Variants in UPK1B observed in about 807,000 individuals in gnomAD.
UPK1B encodes the protein uroplakin-1b.
UPK1B carries 28 observed loss-of-function variants against 34.2 expected under a neutral mutation model. The ratio of observed to expected loss-of-function variants is 0.82; its 90% confidence interval spans 0.61 to 1.12. The LOEUF is 1.12. Ranked by LOEUF, UPK1B falls within the 50% of genes most tolerant of loss-of-function variation. The pLI, the probability that UPK1B is intolerant of heterozygous loss-of-function variation, is 0.00. For synonymous variants in UPK1B, 81 were observed against 110.4 expected, an observed-to-expected ratio of 0.73 and a Z score of 1.67; for missense variants, 325 against 320.9, an observed-to-expected ratio of 1.01 and a Z score of -0.10.
At chr3:119,175,007 ATTTTCTT>A (rs2077948060) in intron 1 of UPK1B, among the ~76,000 whole-genome samples, 7 of 39,716 alleles carry the variant, frequency 1.8e-4, no homozygotes, top group Admixed American at 5.9e-4. Context: ...TTTTTCTTTT[ATTTTCTT>A]TTTTTTTTTT....
chr3:119,181,740 G>T (rs990816893), intron 1 of UPK1B, among the ~76,000 whole-genome samples: 1 of 152,126 alleles, frequency 6.6e-6, no homozygotes, highest in Admixed American at 6.5e-5. Context: ...AATTGAGTGC[G>T]CCTACTACAT....
At chr3:119,183,061 T>A (rs1293763861) in intron 1 of UPK1B, among the ~76,000 whole-genome samples, 1 of 151,928 alleles carries the variant, frequency 6.6e-6, no homozygotes, top group Non-Finnish European at 1.5e-5. Context: ...AAAGGTAGAG[T>A]CTCCTGAGCA....
At position 119,190,967 on chromosome 3, in the gene UPK1B, C is replaced by T. The variant is rs772842790; in HGVS notation, c.346-15C>T. On this transcript the variant is annotated splice_polypyrimidine_tract_variant and intron_variant, in intron 4 of 7. Coordinates refer to ENST00000264234, the MANE Select transcript of UPK1B (RefSeq NM_006952.4). ...GTGCTATCTCTCCCTCTTGTGTTGC[C>T]TCTTCCTACTATAGTTCACACCCAA... The T allele has an allele frequency of 2.1e-5, 34 of 1,612,754 alleles. No homozygotes were observed. Among genetic ancestry groups the T allele is most frequent in the Admixed American group, 1.2e-4 (7 of 59,832 alleles).
At chr3:119,184,974 T>G (rs923812510) in intron 1 of UPK1B, among the ~76,000 whole-genome samples, 18 of 152,248 alleles carry the variant, frequency 1.2e-4, no homozygotes, top group South Asian at 2.1e-4. Flanking sequence ...AACTTTACAA[T>G]GTGACTCAAC....
At chr3:119,201,093 T>C (rs2078088577) in intron 7 of UPK1B, among the ~76,000 whole-genome samples, 1 of 152,204 alleles carries the variant, frequency 6.6e-6, no homozygotes, top group Non-Finnish European at 1.5e-5. Flanking sequence ...CAATGATCAC[T>C]AACAAAGTTT....
Position 119,204,023 on chromosome 3 carries a change from G to C in UPK1B, c.*56G>C, listed in dbSNP as rs188911128. 454 of 1,585,296 alleles carry C rather than the reference G, an allele frequency of 2.9e-4. No homozygotes were observed. In the African/African-American group the frequency reaches 5.5e-3, roughly 19 times the overall value. On this transcript the variant is annotated 3_prime_UTR_variant, in exon 8 of 8. Transcript: ENST00000264234. ...CCGAGTGACTCTGGATTTGGTGCTG[G>C]AACCAGCTCTCTCCTAATATTCCAC...
At chr3:119,181,694 A>T (rs1446956802) in intron 1 of UPK1B, among the ~76,000 whole-genome samples, 3 of 152,224 alleles carry the variant, frequency 2.0e-5, no homozygotes, top group Non-Finnish European at 4.4e-5. Context: ...TCAAATAAAC[A>T]TTATTTATTT....
intron 1 of UPK1B, among the ~76,000 whole-genome samples, chr3:119,177,311 T>G (rs950095136): frequency 6.6e-6 from 1 of 152,160 alleles, no homozygotes; most frequent in Non-Finnish European, 1.5e-5. Flanking sequence ...TTTCTCTTAA[T>G]TTAAAAAGAC....
chr3:119,196,535 CTTTTTTTTTT>C (rs34406185), intron 6 of UPK1B, among the ~76,000 whole-genome samples: 1 of 107,178 alleles, frequency 9.3e-6, no homozygotes, highest in Non-Finnish European at 1.9e-5. Context: ...TTTTCTTTTT[CTTTTTTTTTT>C]TTTTTTTTTG....
chr3:119,195,362 G>A (rs1038091794), intron 6 of UPK1B, among the ~76,000 whole-genome samples: 3 of 152,200 alleles, frequency 2.0e-5, no homozygotes, highest in Non-Finnish European at 2.9e-5. Flanking sequence ...AAATAATTGA[G>A]AAATGTCAGG....
intron 1 of UPK1B, among the ~76,000 whole-genome samples, chr3:119,174,982 A>G (rs1025169020): frequency 3.3e-5 from 5 of 149,812 alleles, no homozygotes; most frequent in African/African-American, 1.2e-4. Flanking sequence ...GAAAAAAAAG[A>G]AACTCAGAAC....
intron 3 of UPK1B, among the ~76,000 whole-genome samples, chr3:119,188,455 G>T (rs1209222043): frequency 6.6e-6 from 1 of 152,124 alleles, no homozygotes; most frequent in African/African-American, 2.4e-5. Flanking sequence ...AAAGATTTTT[G>T]AGCTCAAGGT....
Position 119,187,950 on chromosome 3 carries a change from A to C in UPK1B, c.245A>C (p.Lys82Thr), listed in dbSNP as rs978116333. Reference protein sequence around the residue: ...LSVLGIVGIMKSSRKILLAYF... With the variant: ...LSVLGIVGIMTSSRKILLAYF... Reference sequence around the variant, plus strand: ...GTTCTAGGCATTGTAGGCATCATGAAGTCCAGCAGGAAAATTCTTCTGGCG... The same window carrying C: ...GTTCTAGGCATTGTAGGCATCATGACGTCCAGCAGGAAAATTCTTCTGGCG... The change falls in exon 3 of 8, where the codon AAG becomes ACG. Residue 82 changes from lysine (K) to threonine (T), a missense_variant. Lys to Thr is a moderately conservative substitution (Grantham distance 78). Transcript: ENST00000264234. 1.2e-6 allele frequency: 2 copies of C among 1,614,148 alleles called. No homozygotes were observed. The highest frequency in any genetic ancestry group is 2.7e-5 in the African/African-American group (2 of 75,024).
chr3:119,176,849 A>G (rs1229793689), intron 1 of UPK1B, among the ~76,000 whole-genome samples: 1 of 152,210 alleles, frequency 6.6e-6, no homozygotes, highest in African/African-American at 2.4e-5. Flanking sequence ...CAGTTTCTAC[A>G]TACTGTGGGC....
chr3:119,187,050 T>C (rs949002119), intron 2 of UPK1B, among the ~76,000 whole-genome samples: 7 of 152,044 alleles, frequency 4.6e-5, no homozygotes, highest in Admixed American at 1.3e-4. Context: ...CTAAAAGGAG[T>C]CATGTCAACC....
intron 2 of UPK1B, among the ~76,000 whole-genome samples, 180 bp downstream of exon 2, chr3:119,186,990 T>C (rs535319302): frequency 2.7e-4 from 41 of 152,328 alleles, no homozygotes; most frequent in African/African-American, 8.4e-4. Flanking sequence ...TGTCAAAAGA[T>C]CATGGTTGAA....
intron 1 of UPK1B, among the ~76,000 whole-genome samples, chr3:119,176,946 T>A (rs2077959679): frequency 6.6e-6 from 1 of 152,186 alleles, no homozygotes; most frequent in South Asian, 2.1e-4. Flanking sequence ...AAATCATAAG[T>A]TACGAGGTTT....
At chr3:119,174,768 A>G (rs980830013) in intron 1 of UPK1B, among the ~76,000 whole-genome samples, 6 of 152,104 alleles carry the variant, frequency 3.9e-5, no homozygotes, top group African/African-American at 4.8e-5. Context: ...TTCAGACCCT[A>G]TGAAGAAGTG....
chr3:119,179,164 C>A (rs904167957), intron 1 of UPK1B, among the ~76,000 whole-genome samples: 1 of 151,256 alleles, frequency 6.6e-6, no homozygotes, highest in African/African-American at 2.4e-5. Flanking sequence ...CCCTTCTCTA[C>A]AAAAAATTTA....
Sources: allele counts gnomAD v4.1 joint callset (sites outside exome capture counted in the v4.1 genomes callset), GRCh38; gene constraint gnomAD v4.1.1; transcripts MANE v1.5; gene names NCBI Gene and HGNC (gene_info 2026-07-23, HGNC 2026-07-21).